The following THRB variants were observed in gnomAD, a reference collection of about 807,000 sequenced individuals.
The protein encoded by THRB is thyroid hormone receptor beta.
A neutral mutation model predicts 47.8 loss-of-function variants in THRB; 12 were observed. The observed-to-expected ratio is 0.25, with a 90% confidence interval of 0.16 to 0.41. THRB has a LOEUF of 0.41. Ranked by LOEUF, THRB falls within the 10% of genes least tolerant of loss-of-function variation. The probability of loss-of-function intolerance (pLI) is 1.00; values close to 1 mark genes in which losing one functional copy is unlikely to be tolerated. For missense variants in THRB, 348 were observed against 589.2 expected (o/e 0.59, Z 4.24); for synonymous variants, 218 against 212.2 (o/e 1.03, Z -0.24).
At chr3:24,357,109 T>A (rs993586927) in intron 1 of THRB, among the ~76,000 whole-genome samples, 1 of 151,334 alleles carries the variant, frequency 6.6e-6, no homozygotes, top group South Asian at 2.1e-4. Flanking sequence ...GACCTGAAGA[T>A]TGAAATAAAA....
chr3:24,354,719 T>C (rs2063563419), intron 1 of THRB, among the ~76,000 whole-genome samples: 1 of 152,110 alleles, frequency 6.6e-6, no homozygotes, highest in African/African-American at 2.4e-5. Flanking sequence ...TGAGTAAAAG[T>C]GAAGAGCAAA....
chr3:24,234,237 T>G (rs1479386780), intron 3 of THRB, among the ~76,000 whole-genome samples: 1 of 152,200 alleles, frequency 6.6e-6, no homozygotes, highest in Non-Finnish European at 1.5e-5. Flanking sequence ...GGGTAAGCCA[T>G]TTGGTATATA....
chr3:24,217,462 C>T (rs2149949664), intron 4 of THRB, among the ~76,000 whole-genome samples: 1 of 151,842 alleles, frequency 6.6e-6, no homozygotes, highest in Non-Finnish European at 1.5e-5. Flanking sequence ...TCAATGAATG[C>T]TATTACTTCA....
chr3:24,378,178 A>T (rs542870145), intron 1 of THRB, among the ~76,000 whole-genome samples: 66 of 152,294 alleles, frequency 4.3e-4, no homozygotes, highest in African/African-American at 1.4e-3. Flanking sequence ...TTAAAGGTTT[A>T]GAAAAAAAAT....
intron 3 of THRB, among the ~76,000 whole-genome samples, chr3:24,232,337 A>G (rs1015344908): frequency 6.6e-6 from 1 of 152,234 alleles, no homozygotes; most frequent in Non-Finnish European, 1.5e-5. Flanking sequence ...CAGCTTCTAA[A>G]CTAACATAGG....
At chr3:24,131,544 T>G (rs141497124) in intron 9 of THRB, among the ~76,000 whole-genome samples, 35 of 152,356 alleles carry the variant, frequency 2.3e-4, no homozygotes, top group African/African-American at 7.5e-4. Flanking sequence ...ACTGAATGTC[T>G]GTATCCCTTC....
intron 3 of THRB, among the ~76,000 whole-genome samples, chr3:24,243,259 G>T (rs1217363500): frequency 6.6e-6 from 1 of 151,884 alleles, no homozygotes; most frequent in Non-Finnish European, 1.5e-5. Context: ...TCCTGCATCT[G>T]CCCTTGCCCC....
At chr3:24,446,948 A>G (rs2072149018) in intron 1 of THRB, among the ~76,000 whole-genome samples, 1 of 152,202 alleles carries the variant, frequency 6.6e-6, no homozygotes, top group African/African-American at 2.4e-5. Flanking sequence ...AATAGGCAGA[A>G]GAGTCAAGAT....
chr3:24,213,826 G>T (rs2046302145), intron 4 of THRB, among the ~76,000 whole-genome samples: 1 of 152,186 alleles, frequency 6.6e-6, no homozygotes, highest in African/African-American at 2.4e-5. Context: ...TTTGGTTAAT[G>T]GGGAATGTGA....
intron 3 of THRB, among the ~76,000 whole-genome samples, chr3:24,229,740 C>T (rs892033534): frequency 6.6e-6 from 1 of 152,172 alleles, no homozygotes; most frequent in Non-Finnish European, 1.5e-5. Flanking sequence ...GAACCTGGGT[C>T]ACAGTCCTTC....
At chr3:24,471,110 A>G (rs1560270015) in intron 1 of THRB, among the ~76,000 whole-genome samples, 2 of 152,208 alleles carry the variant, frequency 1.3e-5, no homozygotes, top group South Asian at 4.1e-4. Flanking sequence ...CATTGCTACA[A>G]TACTTCAGCA....
At chr3:24,229,710 G>C (rs1383534593) in intron 3 of THRB, among the ~76,000 whole-genome samples, 2 of 152,214 alleles carry the variant, frequency 1.3e-5, no homozygotes, top group African/African-American at 2.4e-5. Flanking sequence ...GGATGACACA[G>C]ATGGACACTG....
intron 1 of THRB, among the ~76,000 whole-genome samples, chr3:24,482,676 C>T (rs1696661806): frequency 6.6e-6 from 1 of 151,964 alleles, no homozygotes; most frequent in African/African-American, 2.4e-5. Flanking sequence ...TTCCCTGCTC[C>T]GTGACAGGGC....
At chr3:24,229,369 G>A (rs1281935689) in intron 3 of THRB, among the ~76,000 whole-genome samples, 1 of 152,136 alleles carries the variant, frequency 6.6e-6, no homozygotes, top group Non-Finnish European at 1.5e-5. Flanking sequence ...TGGTCTGTGG[G>A]CCAGCAGTCT....
intron 1 of THRB, among the ~76,000 whole-genome samples, chr3:24,439,552 C>T (rs911140554): frequency 2.0e-5 from 3 of 152,178 alleles, no homozygotes; most frequent in Non-Finnish European, 4.4e-5. Flanking sequence ...TTCAGTCAAT[C>T]ACTACCTCCT....
chr3:24,494,993 C>T (rs368890435), upstream of THRB: 2,795 of 152,300 alleles, frequency 0.018, 47 homozygotes, highest in South Asian at 0.049. Flanking sequence ...CGGCCGCAGC[C>T]AGGGCCGCGC....
At chr3:24,329,743 A>G (rs1256320528) in intron 2 of THRB, among the ~76,000 whole-genome samples, 1 of 152,232 alleles carries the variant, frequency 6.6e-6, no homozygotes, top group Non-Finnish European at 1.5e-5. Flanking sequence ...TGTTTAATGA[A>G]AGAAAAAGTG....
At chr3:24,212,109 C>T (rs192235166) in intron 4 of THRB, among the ~76,000 whole-genome samples, 1 of 151,956 alleles carries the variant, frequency 6.6e-6, no homozygotes, top group East Asian at 1.9e-4. Flanking sequence ...ACTGAAAATA[C>T]AAAAATTGGC....
chr3:24,209,200 G>A (rs1171579522), intron 4 of THRB, among the ~76,000 whole-genome samples: 1 of 152,206 alleles, frequency 6.6e-6, no homozygotes, highest in Non-Finnish European at 1.5e-5. Flanking sequence ...TGCTAGAGAG[G>A]ATGTGGAGAA....
Sources: gnomAD v4.1 joint callset for allele counts (sites outside exome capture counted in the v4.1 genomes callset) on GRCh38, gnomAD v4.1.1 for gene constraint, MANE v1.5 for transcripts, NCBI Gene and HGNC (gene_info 2026-07-23, HGNC 2026-07-21) for gene names.